Variants in MYCBP2 observed in about 807,000 individuals in gnomAD.
MYCBP2 encodes the protein MYC binding protein 2.
In MYCBP2, 120 loss-of-function variants were observed where a neutral mutation model predicts 525.3. The ratio of observed to expected loss-of-function variants is 0.23; its 90% CI spans 0.20 to 0.27. The LOEUF (loss-of-function observed/expected upper bound fraction) is 0.27, where lower values mean the gene tolerates loss of function less well. Ranked by LOEUF, MYCBP2 falls within the 10% of genes least tolerant of loss-of-function variation. The pLI, the probability that MYCBP2 is intolerant of heterozygous loss-of-function variation, is 1.00. For synonymous variants in MYCBP2, 1,894 were observed against 1,955.8 expected, an observed-to-expected ratio of 0.97 and a Z score of 0.83; for missense variants, 4,149 against 5,657.1, an observed-to-expected ratio of 0.73 and a Z score of 8.55.
chr13:77,098,557 C>A lies in MYCBP2; in HGVS notation c.8597G>T (p.Arg2866Leu). 6.2e-7 allele frequency: 1 copy of A among 1,613,576 alleles called. No homozygotes were observed. The highest frequency in any genetic ancestry group is 2.2e-5 in the East Asian group (1 of 44,852). Residue 2866 changes from arginine (R) to leucine (L), a missense_variant, in exon 56 of 83, where the codon CGG becomes CTG. Arg to Leu is a moderately radical substitution (Grantham distance 102, BLOSUM62 -2). Around this residue, in one of 21 missense-constraint regions of MYCBP2, gnomAD observed 653 missense variants for 744.7 expected, o/e 0.88. Coordinates refer to ENST00000544440, the MANE Select transcript of MYCBP2 (RefSeq NM_015057.5). ...APVKTKLDPP[R>L]ERSKSDSYTL... ...GTAAGAGTCTGATTTAGAACGTTCC[C>A]GAGGAGGATCAAGCTTTGTCTTAAC... is the stretch of plus-strand genomic sequence containing the variant.
intron 14 of MYCBP2, among the ~76,000 whole-genome samples, chr13:77,255,758 C>A (rs1000070934): frequency 5.9e-5 from 9 of 151,896 alleles, no homozygotes; most frequent in South Asian, 4.2e-4. Context: ...AAGGCAAAGA[C>A]AAAGAATGGT....
intron 62 of MYCBP2, among the ~76,000 whole-genome samples, chr13:77,083,403 G>A (rs918518424): frequency 2.0e-5 from 3 of 152,080 alleles, no homozygotes; most frequent in African/African-American, 7.2e-5. Context: ...AGCAAAATCA[G>A]CATGCAAATG....
At chr13:77,278,441 T>C (rs1223889547) in intron 4 of MYCBP2, among the ~76,000 whole-genome samples, 3 of 152,220 alleles carry the variant, frequency 2.0e-5, no homozygotes, top group Non-Finnish European at 4.4e-5. Flanking sequence ...CTCTAGAACT[T>C]ATACCCCTGC....
At chr13:77,224,564 A>T (rs754839965) in intron 19 of MYCBP2, 32 bp from the exon 20 acceptor site, 2 of 1,304,460 alleles carry the variant, frequency 1.5e-6, no homozygotes, top group East Asian at 2.3e-5. Flanking sequence ...TTATTTTTTC[A>T]TTATATGCAT....
At chr13:77,122,630 C>A (rs1029794438) in intron 54 of MYCBP2, among the ~76,000 whole-genome samples, 1 of 144,222 alleles carries the variant, frequency 6.9e-6, no homozygotes, top group Middle Eastern at 3.9e-3. Context: ...GCGGAGCTTG[C>A]AGTGAGCCGA....
intron 41 of MYCBP2, 42 bp downstream of exon 41, chr13:77,166,287 C>A: frequency 7.4e-7 from 1 of 1,348,330 alleles, no homozygotes; most frequent in Middle Eastern, 1.9e-4. Flanking sequence ...TACATAAATG[C>A]ACTTATTTTA....
intron 20 of MYCBP2, among the ~76,000 whole-genome samples, chr13:77,218,562 A>G (rs1039358840): frequency 3.9e-5 from 6 of 152,148 alleles, no homozygotes; most frequent in Non-Finnish European, 5.9e-5. Context: ...CAAGTTTTTC[A>G]TTCTTTTTGT....
intron 1 of MYCBP2, among the ~76,000 whole-genome samples, chr13:77,321,461 T>C (rs1275281730): frequency 6.6e-6 from 1 of 152,252 alleles, no homozygotes; most frequent in Admixed American, 6.5e-5. Flanking sequence ...GACATATTCC[T>C]ACAATAAATA....
intron 80 of MYCBP2, among the ~76,000 whole-genome samples, chr13:77,052,676 T>C (rs2037071374): frequency 6.6e-6 from 1 of 152,254 alleles, no homozygotes; most frequent in Admixed American, 6.5e-5. Context: ...TTAAAATACA[T>C]ATCCCCTTCT....
At chr13:77,096,851 T>C (rs565042274) in intron 56 of MYCBP2, among the ~76,000 whole-genome samples, 42 of 152,294 alleles carry the variant, frequency 2.8e-4, no homozygotes, top group African/African-American at 9.6e-4. Flanking sequence ...TGAGGTATAA[T>C]ATGTAGACAA....
intron 32 of MYCBP2, among the ~76,000 whole-genome samples, chr13:77,184,404 T>C (rs2060537215): frequency 6.6e-6 from 1 of 152,252 alleles, no homozygotes; most frequent in Non-Finnish European, 1.5e-5. Flanking sequence ...GTCTAGCATA[T>C]GATCTACCTT....
At chr13:77,234,679 T>C (rs2067630190) in intron 17 of MYCBP2, among the ~76,000 whole-genome samples, 1 of 152,032 alleles carries the variant, frequency 6.6e-6, no homozygotes, top group South Asian at 2.1e-4. Flanking sequence ...GTTCCATTTC[T>C]AAAATGTAAT....
At chr13:77,083,284 T>C (rs1437068770) in intron 62 of MYCBP2, 92 bp from the exon 63 acceptor site, 1 of 1,179,018 alleles carries the variant, frequency 8.5e-7, no homozygotes, top group Non-Finnish European at 1.1e-6. Context: ...AAAATGGTCA[T>C]GTAACAGAAA....
intron 62 of MYCBP2, among the ~76,000 whole-genome samples, chr13:77,085,971 T>C (rs1431886032): frequency 6.6e-6 from 1 of 152,202 alleles, no homozygotes; most frequent in East Asian, 1.9e-4. Context: ...TATTTTTCCT[T>C]GCAGTCTGTC....
intron 14 of MYCBP2, among the ~76,000 whole-genome samples, chr13:77,256,949 C>A (rs2072315541): frequency 6.6e-6 from 1 of 152,142 alleles, no homozygotes; most frequent in Non-Finnish European, 1.5e-5. Flanking sequence ...TATTGCAGCA[C>A]TATTCACAAT....
intron 8 of MYCBP2, among the ~76,000 whole-genome samples, chr13:77,265,317 G>A (rs1194301737): frequency 1.3e-5 from 2 of 152,184 alleles, no homozygotes; most frequent in East Asian, 3.9e-4. Flanking sequence ...AAACTAAAAA[G>A]CAAAGAAGAA....
rs1284048383 is a variant in MYCBP2, at chr13:77,066,080, C to T, written c.12464G>A (p.Arg4155Gln). Residue 4155 changes from arginine (R) to glutamine (Q), a missense_variant, in exon 72 of 83, where the codon CGA becomes CAA. Arg to Gln is a conservative substitution (Grantham distance 43, BLOSUM62 1). Around this residue, in one of 21 missense-constraint regions of MYCBP2, gnomAD observed 148 missense variants for 179.4 expected, o/e 0.82. Coordinates refer to ENST00000544440, the MANE Select transcript of MYCBP2 (RefSeq NM_015057.5). ...CATCCACCAATGACTTTCACCTCGT[C>T]GGAGATAACTACAAGAAAAATTAGC... ...LPMIFNSSYLRRGESHWWMKG... is the reference protein window; with the variant it reads ...LPMIFNSSYLQRGESHWWMKG... 8 of 1,610,352 alleles carry T rather than the reference C, an allele frequency of 5.0e-6. No individual in the cohort carries two copies. Among genetic ancestry groups the T allele is most frequent in the South Asian group, 1.1e-5 (1 of 90,660 alleles).
chr13:77,097,268 A>T lies in MYCBP2; in HGVS notation c.9784+102T>A, dbSNP rs936444146. ...AAAAATGACATTCTAAGATACTATA[A>T]ATTCCCTATCCTTTGACAAAATTCA... is the stretch of plus-strand genomic sequence containing the variant. On this transcript the variant is annotated intron_variant, in intron 56 of 82. Coordinates refer to ENST00000544440, the MANE Select transcript of MYCBP2 (RefSeq NM_015057.5). 5 of 1,456,084 alleles carry T rather than the reference A, an allele frequency of 3.4e-6. No individual in the cohort carries two copies. The East Asian group carries it at 1.2e-4, about 34-fold the overall frequency. The allele number at this position is 1,456,084 out of a possible 1,614,324, so 90.2% of individuals were successfully genotyped here.
In MYCBP2 at chr13:77,326,746, G is replaced by A. The variant is rs1469774150; in HGVS notation, c.30C>T (p.Pro10=). The A allele has an allele frequency of 1.4e-6, 2 of 1,411,986 alleles. No individual in the cohort carries two copies. The highest frequency in any genetic ancestry group is 3.0e-5 in the East Asian group (1 of 32,848). 87.5% of individuals were successfully genotyped at this position (1,411,986 alleles called of 1,614,324 possible). A position where few individuals can be genotyped will look rare whatever the true frequency, so the allele number is the denominator to read the frequency against. Residue 10 remains proline, a synonymous_variant, in exon 1 of 83, where the codon CCC becomes CCT. Coordinates refer to ENST00000544440, the MANE Select transcript of MYCBP2 (RefSeq NM_015057.5). This position sits in a 1 kb window ranked among gnomAD's most constrained non-coding sequence, Gnocchi z 4.2. Reference sequence around the variant, plus strand: ...CGCCGAGCCCCGAGGAGGCGGCGGCGGGGGAGGCAGTCGCTGCGCACATCA... The same window carrying A: ...CGCCGAGCCCCGAGGAGGCGGCGGCAGGGGAGGCAGTCGCTGCGCACATCA... MMMCAATAS[P]AAASSGLGGD...
Sources: gnomAD v4.1 joint callset for allele counts (sites outside exome capture counted in the v4.1 genomes callset) on GRCh38, gnomAD v4.1.1 for gene constraint, gnomAD v4.1.1 regional missense constraint, Gnocchi (gnomAD v3.1) non-coding constraint, MANE v1.5 for transcripts, NCBI Gene and HGNC (gene_info 2026-07-23, HGNC 2026-07-21) for gene names.